COL19A1: variants seen among roughly 807,000 people sequenced by gnomAD.
COL19A1 encodes the protein collagen type XIX alpha 1 chain.
Under a neutral mutation model 190.2 loss-of-function variants are expected in COL19A1, and 159 were observed. The observed-to-expected ratio is 0.84, with a 90% CI of 0.73 to 0.95. The LOEUF is 0.95. Ranked by LOEUF, COL19A1 falls within the 40% of genes least tolerant of loss-of-function variation. COL19A1 has a pLI of 0.00. For synonymous variants in COL19A1, 509 were observed against 458.9 expected (o/e 1.11, Z -1.39); for missense variants, 1,418 against 1,431.9 (o/e 0.99, Z 0.16).
chr6:70,034,100 T>C, intron 12 of COL19A1, 145 bp from the exon 13 acceptor site: 1 of 631,772 alleles, frequency 1.6e-6, no homozygotes, highest in South Asian at 1.9e-5. Context: ...ATCATTTTAG[T>C]GCCAGTTGTC....
Position 69,972,987 on chromosome 6 carries a change from T to G in COL19A1, c.1026+10117T>G, listed in dbSNP as rs3805976. ...CCTAGGTTAGTTTTGTTAAGGAAAT[T>G]TATTCACTCAATATTTTATGTAATT... On this transcript the variant is annotated intron_variant, in intron 11 of 50. Coordinates refer to ENST00000620364, the MANE Select transcript of COL19A1 (RefSeq NM_001858.6). Among the ~76,000 whole-genome samples the G allele has an allele frequency of 2.0e-5, 3 of 152,268 alleles. No homozygotes were observed. The East Asian group carries it at 5.8e-4, about 29-fold the overall frequency.
intron 14 of COL19A1, among the ~76,000 whole-genome samples, chr6:70,057,902 C>T (rs187519863): frequency 5.9e-5 from 9 of 152,102 alleles, no homozygotes; most frequent in South Asian, 4.2e-4. Context: ...TTCATCCATT[C>T]GACACCTACT....
intron 48 of COL19A1, among the ~76,000 whole-genome samples, chr6:70,191,446 T>G (rs1271571611): frequency 1.3e-5 from 2 of 152,150 alleles, no homozygotes; most frequent in East Asian, 3.8e-4. Flanking sequence ...CCCTATAACT[T>G]TGTGTCATGC....
At position 70,068,453 on chromosome 6, in the gene COL19A1, C is replaced by A; in HGVS notation, c.1201C>A (p.Pro401Thr). The change falls in exon 15 of 51, where the codon CCA becomes ACA. Residue 401 changes from proline (P) to threonine (T), a missense_variant. Physicochemically the swap from Pro to Thr is conservative, Grantham distance 38 (BLOSUM62 -1). Coordinates refer to ENST00000620364, the MANE Select transcript of COL19A1 (RefSeq NM_001858.6). ...GSLGIQGPQG[P>T]PGKEGQRGRR... ...CCTGGGGATACAAGGCCCCCAAGGT[C>A]CACCTGGAAAAGAGGGTCAGAGGGT... is the stretch of plus-strand genomic sequence containing the variant. 6.2e-7 allele frequency: 1 copy of A among 1,600,818 alleles called. No homozygotes were observed. Among genetic ancestry groups the A allele is most frequent in the Non-Finnish European group, 8.6e-7 (1 of 1,169,252 alleles).
At chr6:69,899,072 C>A in intron 3 of COL19A1, 50 bp downstream of exon 3, 1 of 1,193,474 alleles carries the variant, frequency 8.4e-7, no homozygotes, top group Non-Finnish European at 1.2e-6. Context: ...AAATTATCAC[C>A]AAATGCTAGA....
intron 16 of COL19A1, among the ~76,000 whole-genome samples, chr6:70,103,742 A>G (rs1783779726): frequency 6.6e-6 from 1 of 152,126 alleles, no homozygotes; most frequent in African/African-American, 2.4e-5. Context: ...GTTTCCTCCC[A>G]TGGTCCTGTA....
chr6:70,033,993 T>C (rs1333742800), intron 12 of COL19A1, among the ~76,000 whole-genome samples: 1 of 152,140 alleles, frequency 6.6e-6, no homozygotes, highest in Admixed American at 6.5e-5. Flanking sequence ...GGTGAATTAA[T>C]GTAATTTTAG....
intron 2 of COL19A1, among the ~76,000 whole-genome samples, chr6:69,883,266 C>A (rs1180886674): frequency 6.6e-6 from 1 of 152,138 alleles, no homozygotes; most frequent in East Asian, 1.9e-4. Context: ...TCTGTGTTGT[C>A]AAAATCTGAT....
At position 69,917,551 on chromosome 6, in the gene COL19A1, G is replaced by A. The variant is rs118054169; in HGVS notation, c.267-10358G>A. On this transcript the variant is annotated intron_variant, in intron 4 of 50. Coordinates refer to ENST00000620364, the MANE Select transcript of COL19A1 (RefSeq NM_001858.6). ...GTGGAAATCACATTCCACAAAACGG[G>A]CAATAAATATGTAAACCAATAATTC... Among the ~76,000 whole-genome samples, 834 of 152,242 alleles carry A rather than the reference G, an allele frequency of 5.5e-3. 19 individuals carry two copies. In the East Asian group the frequency reaches 0.069, roughly 13 times the overall value.
intron 2 of COL19A1, among the ~76,000 whole-genome samples, chr6:69,882,887 T>G (rs1768659283): frequency 6.6e-6 from 1 of 152,214 alleles, no homozygotes; most frequent in Non-Finnish European, 1.5e-5. Flanking sequence ...ATAGAGAATT[T>G]TATTTTGTGT....
chr6:70,167,897 C>A, intron 37 of COL19A1, 128 bp from the exon 38 acceptor site: 1 of 648,130 alleles, frequency 1.5e-6, no homozygotes, highest in Non-Finnish European at 2.6e-6. Flanking sequence ...ATTAAATTCC[C>A]TTTGTAAAAT....
chr6:70,104,976 C>T (rs1783864701), intron 16 of COL19A1, among the ~76,000 whole-genome samples: 1 of 152,092 alleles, frequency 6.6e-6, no homozygotes, highest in African/African-American at 2.4e-5. Flanking sequence ...TTATAATATT[C>T]AATTCCGCAG....
At chr6:70,137,374 A>C (rs1250094178) in intron 18 of COL19A1, among the ~76,000 whole-genome samples, 3 of 152,182 alleles carry the variant, frequency 2.0e-5, no homozygotes, top group Non-Finnish European at 2.9e-5. Flanking sequence ...GGCACACCAG[A>C]ACAAAATTAT....
At chr6:70,165,300 C>A (rs949080277) in intron 36 of COL19A1, among the ~76,000 whole-genome samples, 4 of 152,208 alleles carry the variant, frequency 2.6e-5, no homozygotes, top group African/African-American at 9.6e-5. Context: ...ATTCTATTTT[C>A]AGTCTGCTTC....
At chr6:70,135,300 T>G (rs1378743070) in intron 18 of COL19A1, among the ~76,000 whole-genome samples, 1 of 152,096 alleles carries the variant, frequency 6.6e-6, no homozygotes, top group African/African-American at 2.4e-5. Context: ...ATTGATTAAA[T>G]CATTTGTCAC....
intron 9 of COL19A1, among the ~76,000 whole-genome samples, chr6:69,943,254 G>A (rs1773586805): frequency 6.6e-6 from 1 of 151,952 alleles, no homozygotes; most frequent in African/African-American, 2.4e-5. Context: ...TGGGGTTTTT[G>A]TTTGTTTGTT....
intron 11 of COL19A1, among the ~76,000 whole-genome samples, chr6:69,977,010 C>T (rs1478096762): frequency 6.6e-6 from 1 of 152,146 alleles, no homozygotes; most frequent in Non-Finnish European, 1.5e-5. Context: ...TGTGGCGATT[C>T]CTCAGGGATC....
At chr6:70,078,413 T>C (rs1352627358) in intron 15 of COL19A1, among the ~76,000 whole-genome samples, 5 of 152,124 alleles carry the variant, frequency 3.3e-5, no homozygotes, top group Non-Finnish European at 1.5e-5. Context: ...GCAGGCAAAA[T>C]GTGGTTTCAG....
intron 16 of COL19A1, among the ~76,000 whole-genome samples, chr6:70,102,765 C>T (rs1382147397): frequency 6.6e-6 from 1 of 152,130 alleles, no homozygotes; most frequent in Non-Finnish European, 1.5e-5. Context: ...TCTGGTAACT[C>T]TGCAGCCTAT....
Sources: gnomAD v4.1 joint callset for allele counts (sites outside exome capture counted in the v4.1 genomes callset) on GRCh38, gnomAD v4.1.1 for gene constraint, MANE v1.5 for transcripts, NCBI Gene and HGNC (gene_info 2026-07-23, HGNC 2026-07-21) for gene names.